The following HDAC9 variants were observed in gnomAD, a reference collection of about 807,000 sequenced individuals.
HDAC9 encodes histone deacetylase 9.
In HDAC9, 41 loss-of-function variants were observed where a neutral mutation model predicts 139.4. The observed-to-expected ratio is 0.29, with a 90% CI of 0.23 to 0.38. The LOEUF is 0.38. Ranked by LOEUF, HDAC9 falls within the 10% of genes least tolerant of loss-of-function variation. The pLI is 1.00. For missense variants in HDAC9, 1,147 were observed against 1,297.0 expected (o/e 0.88, Z 1.78); for synonymous variants, 517 against 476.2 (o/e 1.09, Z -1.12).
intron 6 of HDAC9, among the ~76,000 whole-genome samples, chr7:18,610,483 C>A (rs921208517): frequency 6.6e-6 from 1 of 152,164 alleles, no homozygotes; most frequent in African/African-American, 2.4e-5. Flanking sequence ...CCCGGTCATT[C>A]TGATAAATTC....
intron 1 of HDAC9, among the ~76,000 whole-genome samples, chr7:18,478,179 T>C (rs1795269860): frequency 6.6e-6 from 1 of 152,094 alleles, no homozygotes; most frequent in South Asian, 2.1e-4. Flanking sequence ...TCACGCCGTT[T>C]TCCTGCCTCA....
intron 22 of HDAC9, among the ~76,000 whole-genome samples, chr7:18,881,165 G>A (rs991320505): frequency 3.3e-5 from 5 of 152,062 alleles, no homozygotes; most frequent in Admixed American, 6.6e-5. Flanking sequence ...TGTTGTCTAC[G>A]TCTTCTGCTA....
intron 2 of HDAC9, among the ~76,000 whole-genome samples, chr7:18,261,336 A>G (rs755487990): frequency 8.5e-5 from 13 of 152,080 alleles, no homozygotes; most frequent in Non-Finnish European, 1.5e-4. Context: ...AAAATAAAAC[A>G]TAGTTGTTTC....
At chr7:18,711,603 C>G (rs1332975356) in intron 12 of HDAC9, among the ~76,000 whole-genome samples, 1 of 152,198 alleles carries the variant, frequency 6.6e-6, no homozygotes, top group African/African-American at 2.4e-5. Context: ...ACACCCACCA[C>G]CCCTGCCCAC....
intron 6 of HDAC9, among the ~76,000 whole-genome samples, chr7:18,622,701 TATATA>T (rs1840551210): frequency 6.6e-6 from 1 of 152,098 alleles, no homozygotes; most frequent in South Asian, 2.1e-4. Flanking sequence ...TTAAAATATT[TATATA>T]ATATTAACAC....
chr7:18,868,995 T>A (rs1585188455), intron 21 of HDAC9, among the ~76,000 whole-genome samples: 1 of 152,270 alleles, frequency 6.6e-6, no homozygotes, highest in East Asian at 1.9e-4. Flanking sequence ...ATGCATCTCT[T>A]CATTTGTAGC....
intron 1 of HDAC9, among the ~76,000 whole-genome samples, chr7:18,113,276 A>G (rs879680273): frequency 6.6e-6 from 1 of 152,204 alleles, no homozygotes; most frequent in Non-Finnish European, 1.5e-5. Flanking sequence ...ACTATGATTG[A>G]CCATGGCAAG....
rs139210161 is a variant in HDAC9, at chr7:18,721,047, G to A, written c.1732-6533G>A. 4.0e-3 allele frequency among the ~76,000 whole-genome samples: 612 copies of A among 152,002 alleles called. 3 individuals carry two copies. Among genetic ancestry groups the A allele is most frequent in the African/African-American group, 0.014 (572 of 41,470 alleles). On this transcript the variant is annotated intron_variant, in intron 12 of 25. Transcript: ENST00000686413. ...TAATTTCTTCTTCTTCTACAAAAAT[G>A]TAGTGTTTACAGTAAAGGTATCTGT...
At chr7:18,852,788 T>A (rs1420694429) in intron 21 of HDAC9, among the ~76,000 whole-genome samples, 1 of 151,598 alleles carries the variant, frequency 6.6e-6, no homozygotes, top group Non-Finnish European at 1.5e-5. Flanking sequence ...ACATAAAAAT[T>A]CAACTGGGAT....
intron 22 of HDAC9, among the ~76,000 whole-genome samples, chr7:18,893,267 G>A (rs1301764258): frequency 6.6e-6 from 1 of 152,092 alleles, no homozygotes; most frequent in African/African-American, 2.4e-5. Flanking sequence ...ACCTGTAGTT[G>A]TGTAGTTTGT....
chr7:18,416,919 T>G (rs543874603), intron 1 of HDAC9, among the ~76,000 whole-genome samples: 1 of 152,296 alleles, frequency 6.6e-6, no homozygotes, highest in African/African-American at 2.4e-5. Context: ...GTTTTGAGTA[T>G]TTGATTATGG....
intron 1 of HDAC9, among the ~76,000 whole-genome samples, chr7:18,340,935 T>C (rs1781957507): frequency 6.6e-6 from 1 of 151,538 alleles, no homozygotes; most frequent in Admixed American, 6.6e-5. Flanking sequence ...AGTTTTTGTA[T>C]GTTTGAAGAA....
At chr7:18,585,630 A>G in intron 3 of HDAC9, 108 bp downstream of exon 3, 2 of 1,312,640 alleles carry the variant, frequency 1.5e-6, no homozygotes, top group Non-Finnish European at 2.1e-6. Context: ...TGATTAAGAC[A>G]TGGATATATG....
intron 14 of HDAC9, among the ~76,000 whole-genome samples, chr7:18,751,077 G>A (rs1225390181): frequency 2.0e-5 from 3 of 152,120 alleles, no homozygotes; most frequent in Admixed American, 2.0e-4. Flanking sequence ...ATTCACACTG[G>A]TCTAAAAATT....
intron 12 of HDAC9, among the ~76,000 whole-genome samples, chr7:18,694,346 C>T (rs1285177703): frequency 1.3e-5 from 2 of 152,134 alleles, no homozygotes; most frequent in African/African-American, 4.8e-5. Flanking sequence ...GTCCCTCTCT[C>T]CTCACAAGAT....
chr7:18,858,411 G>A (rs1797851693), intron 21 of HDAC9, among the ~76,000 whole-genome samples: 1 of 152,074 alleles, frequency 6.6e-6, no homozygotes, highest in African/African-American at 2.4e-5. Context: ...CAGCAAAGGG[G>A]GAAGCCCCTT....
chr7:18,177,848 G>A (rs1789053520), intron 2 of HDAC9, among the ~76,000 whole-genome samples: 1 of 152,154 alleles, frequency 6.6e-6, no homozygotes, highest in South Asian at 2.1e-4. Flanking sequence ...AGAATAAAGG[G>A]CACTTTGTGA....
At chr7:18,857,365 A>G (rs71530654) in intron 21 of HDAC9, among the ~76,000 whole-genome samples, 60,421 of 138,384 alleles carry the variant, frequency 0.44, 12,727 homozygotes, top group South Asian at 0.57. Flanking sequence ...GTGTGTGTGT[A>G]TGTATGTATG....
chr7:18,817,426 T>A (rs1231683274), intron 17 of HDAC9, among the ~76,000 whole-genome samples: 1 of 151,790 alleles, frequency 6.6e-6, no homozygotes, highest in Non-Finnish European at 1.5e-5. Context: ...CCAAAGAGGG[T>A]TCAACCAATA....
Sources: allele counts gnomAD v4.1 joint callset (sites outside exome capture counted in the v4.1 genomes callset), GRCh38; gene constraint gnomAD v4.1.1; transcripts MANE v1.5; gene names NCBI Gene and HGNC (gene_info 2026-07-23, HGNC 2026-07-21).